The following NPIPB8 variants were observed in gnomAD, a reference collection of about 807,000 sequenced individuals.
The protein encoded by NPIPB8 is nuclear pore complex interacting protein family member B8, also known as nuclear pore complex-interacting protein family member B8.
Under a neutral mutation model 5.3 loss-of-function variants are expected in NPIPB8, and 3 were observed. The observed-to-expected ratio is 0.57, with a 90% CI of 0.26 to 1.47. The LOEUF (loss-of-function observed/expected upper bound fraction) is 1.47. NPIPB8 is among the 40% of genes most tolerant of loss of function. NPIPB8 has a pLI of 0.13. For missense variants in NPIPB8, 50 were observed against 50.2 expected, an observed-to-expected ratio of 1.00 and a Z score of 0.01; for synonymous variants, 18 against 23.0, an observed-to-expected ratio of 0.78 and a Z score of 0.62.
At chr16:28,642,693 AG>A (rs1233727902) in intron 2 of NPIPB8, among the ~76,000 whole-genome samples, 1 of 150,696 alleles carries the variant, frequency 6.6e-6, no homozygotes, top group Non-Finnish European at 1.5e-5. Context: ...CATATTGGCC[AG>A]GCTGGTCTGG....
chr16:28,638,304 T>A lies in NPIPB8; in HGVS notation c.-38-19T>A, dbSNP rs2047827239. 6.4e-7 allele frequency: 1 copy of A among 1,550,896 alleles called. No individual in the cohort carries two copies. Among genetic ancestry groups the A allele is most frequent in the South Asian group, 1.2e-5 (1 of 85,652 alleles). ...TTTTCCACTCATTCAACAAACTTTT[T>A]TTCTTAATTGTCTAATAGGTTGGCA... On this transcript the variant is annotated intron_variant, in intron 1 of 7. Transcript: ENST00000683297.
rs778667778 is a variant in NPIPB8 at position 28,644,580 on chromosome 16, G to T, written c.121-3555G>T. ...CTGGACACCTCAGGGCGCCCTGAAA[G>T]GACCAGGACATGCGGCTGCGCTTTT... On this transcript the variant is annotated intron_variant, in intron 2 of 7. Coordinates refer to ENST00000683297, the MANE Select transcript of NPIPB8 (RefSeq NM_001310136.2). 8 of 1,470,858 alleles carry T rather than the reference G, an allele frequency of 5.4e-6. No homozygotes were observed. The South Asian group carries it at 9.4e-5, about 17-fold the overall frequency. The allele number at this position is 1,470,858 out of a possible 1,614,324, so 91.1% of individuals were successfully genotyped here.
At chr16:28,651,265 G>T (rs922337409) in intron 3 of NPIPB8, among the ~76,000 whole-genome samples, 1 of 41,628 alleles carries the variant, frequency 2.4e-5, no homozygotes, top group East Asian at 5.4e-4. Context: ...TTATAGGCGT[G>T]AGCTACCGCA....
Position 28,641,647 on chromosome 16 carries a change from G to A in NPIPB8, c.120+3167G>A, listed in dbSNP as rs966860153. ...CCTTCCAAGGTGCCAGCTCTGGAAC[G>A]AAAGATGCCCTTGGGAGGTGATGAC... On this transcript the variant is annotated intron_variant, in intron 2 of 7. Transcript: ENST00000683297. 6.0e-5 allele frequency among the ~76,000 whole-genome samples: 8 copies of A among 134,148 alleles called. 1 individual carries two copies. Among genetic ancestry groups the A allele is most frequent in the African/African-American group, 8.2e-5 (3 of 36,680 alleles). The allele number at this position is 134,148 out of a possible 152,430, so 88.0% of individuals were successfully genotyped here. A position where few individuals can be genotyped will look rare whatever the true frequency, so the allele number is the denominator to read the frequency against.
intron 2 of NPIPB8, among the ~76,000 whole-genome samples, chr16:28,641,187 C>A (rs1406130666): frequency 1.3e-5 from 2 of 151,852 alleles, no homozygotes; most frequent in East Asian, 3.9e-4. Context: ...ATGACCAGGA[C>A]ACAGAGGTCT....
At chr16:28,639,456 T>TATATA (rs773775499) in intron 2 of NPIPB8, among the ~76,000 whole-genome samples, 46 of 90,674 alleles carry the variant, frequency 5.1e-4, no homozygotes, top group Non-Finnish European at 6.9e-4. Flanking sequence ...TATATATATA[T>TATATA]TTTTTTTTTT....
In NPIPB8 at chr16:28,638,387, C is replaced by T. The variant is rs1223760163; in HGVS notation, c.27C>T (p.Thr9=). 5 of 1,568,290 alleles carry T rather than the reference C, an allele frequency of 3.2e-6. No individual in the cohort carries two copies. The highest frequency in any genetic ancestry group is 4.3e-6 in the Non-Finnish European group (5 of 1,164,442). ...TGGTGAAGCTCTCTATTGTCCTGAC[C>T]CCACAGTTCCTGTCCCATGACCAGG... MVKLSIVL[T]PQFLSHDQGQ... Residue 9 remains threonine, a synonymous_variant, in exon 2 of 8, where the codon ACC becomes ACT. Transcript: ENST00000683297.
chr16:28,651,236 G>A (rs1480897041), intron 3 of NPIPB8, among the ~76,000 whole-genome samples: 1 of 35,276 alleles, frequency 2.8e-5, no homozygotes, highest in East Asian at 6.6e-4. Context: ...ACCCGCCTCA[G>A]CCTCCCAAAG....
intron 2 of NPIPB8, among the ~76,000 whole-genome samples, chr16:28,644,229 C>T (rs1382446794): frequency 6.6e-5 from 6 of 90,486 alleles, no homozygotes; most frequent in Admixed American, 1.1e-4. Flanking sequence ...CTAAGCCTCA[C>T]GCTCCCTTGT....
Position 28,642,751 on chromosome 16 carries a change from G to A in NPIPB8, c.120+4271G>A, listed in dbSNP as rs534150944. On this transcript the variant is annotated intron_variant, in intron 2 of 7. Coordinates refer to ENST00000683297, the MANE Select transcript of NPIPB8 (RefSeq NM_001310136.2). Reference sequence around the variant, plus strand: ...CCCACCTCGGCCTCCCAAAGTGCTGGGATTACAGGCGTGAGCCACCACACC... The same window carrying A: ...CCCACCTCGGCCTCCCAAAGTGCTGAGATTACAGGCGTGAGCCACCACACC... Among the ~76,000 whole-genome samples, 179 of 151,736 alleles carry A rather than the reference G, an allele frequency of 1.2e-3. 2 individuals are homozygous for A. The South Asian group carries it at 0.035, about 30-fold the overall frequency.
intron 2 of NPIPB8, among the ~76,000 whole-genome samples, chr16:28,641,545 C>T (rs891195865): frequency 7.0e-6 from 1 of 141,934 alleles, no homozygotes; most frequent in Non-Finnish European, 1.6e-5. Flanking sequence ...AGGAGCCCTA[C>T]CTTCTGGCCT....
intron 2 of NPIPB8, among the ~76,000 whole-genome samples, chr16:28,639,066 C>CAAAA (rs1351798406): frequency 1.0e-4 from 10 of 99,682 alleles, no homozygotes; most frequent in African/African-American, 4.4e-4. Flanking sequence ...GAGACTCTGT[C>CAAAA]AAAAAAAAAA....
intron 2 of NPIPB8, among the ~76,000 whole-genome samples, chr16:28,641,468 G>A (rs2047895047): frequency 1.4e-5 from 2 of 142,726 alleles, no homozygotes; most frequent in Non-Finnish European, 3.2e-5. Flanking sequence ...TGCACCCTGG[G>A]GACCCAGGAG....
intron 2 of NPIPB8, among the ~76,000 whole-genome samples, chr16:28,639,737 G>GC (rs1236179895): frequency 6.7e-6 from 1 of 149,394 alleles, no homozygotes; most frequent in African/African-American, 2.5e-5. Context: ...ATAGGTGTGA[G>GC]CCGCTACACC....
At chr16:28,643,047 G>C (rs1451156108) in intron 2 of NPIPB8, among the ~76,000 whole-genome samples, 4 of 151,986 alleles carry the variant, frequency 2.6e-5, no homozygotes, top group Non-Finnish European at 5.9e-5. Context: ...GTGGGGGTCT[G>C]TCCTGGTCAC....
rs899169412 is a variant in NPIPB8 at position 28,651,623 on chromosome 16, T to C, written c.304-334T>C. ...TCATTCTTGTGTGTGTGTGTGTGTG[T>C]GTGTGTGTGTGTGTGTGTGTGTGAG... On this transcript the variant is annotated intron_variant, in intron 3 of 7. Coordinates refer to ENST00000683297, the MANE Select transcript of NPIPB8 (RefSeq NM_001310136.2). Among the ~76,000 whole-genome samples, 214 of 78,238 alleles carry C rather than the reference T, an allele frequency of 2.7e-3. 58 individuals are homozygous for C. Among genetic ancestry groups the C allele is most frequent in the African/African-American group, 0.014 (201 of 14,708 alleles). 51.3% of individuals were successfully genotyped at this position (78,238 alleles called of 152,430 possible).
At chr16:28,644,959 G>A (rs1306257713) in intron 2 of NPIPB8, among the ~76,000 whole-genome samples, 3 of 104,036 alleles carry the variant, frequency 2.9e-5, no homozygotes, top group African/African-American at 7.5e-5. Context: ...AGATGGCCCC[G>A]CTGCACTCTT....
intron 5 of NPIPB8, among the ~76,000 whole-genome samples, chr16:28,652,933 G>A (rs1596688916): frequency 2.4e-5 from 3 of 123,018 alleles, no homozygotes; most frequent in South Asian, 2.4e-4. Flanking sequence ...TTTTGAGATA[G>A]AATCTCGCTC....
At chr16:28,642,470 GT>G (rs1292003074) in intron 2 of NPIPB8, among the ~76,000 whole-genome samples, 4 of 150,732 alleles carry the variant, frequency 2.7e-5, no homozygotes, top group Non-Finnish European at 4.4e-5. Context: ...TGTAAACCCT[GT>G]TTTTTGTTTG....
Sources: allele counts gnomAD v4.1 joint callset (sites outside exome capture counted in the v4.1 genomes callset), GRCh38; gene constraint gnomAD v4.1.1; transcripts MANE v1.5; gene names NCBI Gene and HGNC (gene_info 2026-07-23, HGNC 2026-07-21).